Variants in RTN4RL1 observed in about 807,000 individuals in gnomAD.
RTN4RL1 encodes reticulon-4 receptor-like 1.
RTN4RL1 carries 7 observed loss-of-function variants against 25.6 expected under a neutral mutation model. The observed-to-expected ratio is 0.27, with a 90% CI of 0.16 to 0.51. The LOEUF is 0.51. Ranked by LOEUF, RTN4RL1 falls within the 20% of genes least tolerant of loss-of-function variation. RTN4RL1 has a pLI of 0.97. For missense variants in RTN4RL1, 500 were observed against 615.6 expected, an observed-to-expected ratio of 0.81 and a Z score of 1.99; for synonymous variants, 297 against 288.2, an observed-to-expected ratio of 1.03 and a Z score of -0.31.
chr17:1,979,173 T>G (rs376370140), intron 1 of RTN4RL1, among the ~76,000 whole-genome samples: 1 of 152,244 alleles, frequency 6.6e-6, no homozygotes, highest in Non-Finnish European at 1.5e-5. Context: ...TTCAGGAGGC[T>G]GAGGCAGGAG....
chr17:1,955,774 G>C (rs1915780443), intron 1 of RTN4RL1, among the ~76,000 whole-genome samples: 1 of 151,650 alleles, frequency 6.6e-6, no homozygotes, highest in East Asian at 2.0e-4. Context: ...AGTAGAGACA[G>C]GGTTTCGCCA....
At chr17:2,008,780 T>C (rs2067020887) in intron 1 of RTN4RL1, among the ~76,000 whole-genome samples, 2 of 152,048 alleles carry the variant, frequency 1.3e-5, no homozygotes, top group South Asian at 4.2e-4. Context: ...AACCTTCCTG[T>C]CAAGCCTCTC....
intron 1 of RTN4RL1, among the ~76,000 whole-genome samples, chr17:1,975,248 C>T (rs1355843992): frequency 3.9e-5 from 6 of 152,346 alleles, no homozygotes; most frequent in Admixed American, 1.3e-4. Context: ...GTCCCAAACA[C>T]CCACCCAGAA....
intron 1 of RTN4RL1, chr17:2,019,389 G>A (rs1311647299): frequency 2.6e-5 from 4 of 152,202 alleles, no homozygotes; most frequent in South Asian, 2.1e-4. Flanking sequence ...TTCTGCTCTC[G>A]ACATCCTTCA....
intron 1 of RTN4RL1, among the ~76,000 whole-genome samples, chr17:2,009,036 A>G (rs2067023566): frequency 6.6e-6 from 1 of 152,204 alleles, no homozygotes; most frequent in Non-Finnish European, 1.5e-5. Context: ...ACTACAAGGC[A>G]CAGGGGCTCT....
chr17:1,995,779 G>C (rs895651054), intron 1 of RTN4RL1: 4 of 152,264 alleles, frequency 2.6e-5, no homozygotes, highest in African/African-American at 7.2e-5. Context: ...TGCAACTGGT[G>C]AGAGATGGCC....
chr17:1,988,850 A>C (rs1192874855), intron 1 of RTN4RL1, among the ~76,000 whole-genome samples: 1 of 149,464 alleles, frequency 6.7e-6, no homozygotes, highest in Non-Finnish European at 1.5e-5. Flanking sequence ...CAGCCCAGGT[A>C]CATGTGAGGA....
At position 1,973,221 on chromosome 17, in the gene RTN4RL1, C is replaced by T. The variant is rs142224280; in HGVS notation, c.14-35413G>A. Among the ~76,000 whole-genome samples, 147 of 152,018 alleles carry T rather than the reference C, an allele frequency of 9.7e-4. 1 individual carries two copies. Among genetic ancestry groups the T allele is most frequent in the African/African-American group, 1.6e-3 (65 of 41,454 alleles). ...CTACTAAAAATACAAAAAAATTAGC[C>T]GGGCGTAGTGGCAAACGCTTATAAT... On this transcript the variant is annotated intron_variant, in intron 1 of 1. Coordinates refer to ENST00000331238, the MANE Select transcript of RTN4RL1 (RefSeq NM_178568.4).
intron 1 of RTN4RL1, among the ~76,000 whole-genome samples, chr17:1,948,591 G>A (rs555525959): frequency 9.2e-5 from 14 of 152,044 alleles, no homozygotes; most frequent in African/African-American, 2.7e-4. Flanking sequence ...GGACACAGGC[G>A]GACGGGCAGA....
At position 2,025,138 on chromosome 17, in the gene RTN4RL1, C is replaced by T. The variant is rs2067254951; in HGVS notation, c.-273G>A. On this transcript the variant is annotated 5_prime_UTR_variant, in exon 1 of 2. Coordinates refer to ENST00000331238, the MANE Select transcript of RTN4RL1 (RefSeq NM_178568.4). This position sits in a 1 kb window ranked among gnomAD's most constrained non-coding sequence, Gnocchi z 4.8. ...GGGCGAGCGGCTTGCTCCGCGGAGCCGGCGGCCTGCTTCTGCCACCCGGAG... is the reference window on the plus strand; with the variant it reads ...GGGCGAGCGGCTTGCTCCGCGGAGCTGGCGGCCTGCTTCTGCCACCCGGAG... 6.3e-6 allele frequency: 2 copies of T among 319,698 alleles called. No homozygotes were observed. Among genetic ancestry groups the T allele is most frequent in the Non-Finnish European group, 1.1e-5 (2 of 175,916 alleles). 19.8% of individuals were successfully genotyped at this position (319,698 alleles called of 1,614,324 possible).
chr17:1,956,680 G>A (rs1035273659), intron 1 of RTN4RL1, among the ~76,000 whole-genome samples: 2 of 152,016 alleles, frequency 1.3e-5, no homozygotes, highest in Non-Finnish European at 2.9e-5. Flanking sequence ...TCCTGGGAGG[G>A]CTGCAGGGGA....
chr17:1,960,182 G>T (rs946458786), intron 1 of RTN4RL1, among the ~76,000 whole-genome samples: 1 of 77,892 alleles, frequency 1.3e-5, no homozygotes, highest in Non-Finnish European at 2.7e-5. Flanking sequence ...ACATCACCCC[G>T]CCCCCACCAC....
In RTN4RL1 at chr17:1,990,012, T is replaced by C. The variant is rs113296543; in HGVS notation, c.13+34841A>G. On this transcript the variant is annotated intron_variant, in intron 1 of 1. Transcript: ENST00000331238. ...ACGATAGTTTGTACAACAATGTGAGTGTGCTTAATGCCACAGAACTGTACA... is the reference window on the plus strand; with the variant it reads ...ACGATAGTTTGTACAACAATGTGAGCGTGCTTAATGCCACAGAACTGTACA... 8.2e-3 allele frequency among the ~76,000 whole-genome samples: 1,247 copies of C among 152,208 alleles called. 23 individuals are homozygous for C. Among genetic ancestry groups the C allele is most frequent in the African/African-American group, 0.029 (1,186 of 41,538 alleles).
intron 1 of RTN4RL1, among the ~76,000 whole-genome samples, chr17:2,012,477 G>T (rs1448754311): frequency 6.6e-6 from 1 of 152,212 alleles, no homozygotes; most frequent in Non-Finnish European, 1.5e-5. Flanking sequence ...GCATTGCACA[G>T]GGAAAAGTGC....
In RTN4RL1 at chr17:1,998,847, C is replaced by T. The variant is rs2066942351; in HGVS notation, c.13+26006G>A. On this transcript the variant is annotated intron_variant, in intron 1 of 1. Transcript: ENST00000331238. The surrounding 1 kb of genome is among the most constrained non-coding windows in gnomAD (Gnocchi z 4.9). ...GGGGACGCGGGTTTGACGCACTTTCCCGGCAGCCGAAGACGACCCCGGAGC... is the reference window on the plus strand; with the variant it reads ...GGGGACGCGGGTTTGACGCACTTTCTCGGCAGCCGAAGACGACCCCGGAGC... Among the ~76,000 whole-genome samples the T allele has an allele frequency of 6.6e-6, 1 of 151,872 alleles. No individual in the cohort carries two copies.
intron 1 of RTN4RL1, among the ~76,000 whole-genome samples, chr17:1,938,038 G>A (rs1597484285): frequency 6.6e-6 from 1 of 152,152 alleles, no homozygotes; most frequent in Non-Finnish European, 1.5e-5. Flanking sequence ...TGAGTCTGGG[G>A]TGAAGGCCCC....
chr17:1,957,143 G>A (rs1290310085), intron 1 of RTN4RL1, among the ~76,000 whole-genome samples: 5 of 152,170 alleles, frequency 3.3e-5, no homozygotes, highest in Non-Finnish European at 5.9e-5. Flanking sequence ...TTGTGCTCAC[G>A]GCTTGGTTCA....
rs1370326803 is a variant in RTN4RL1, at chr17:1,994,030, C to G, written c.13+30823G>C. Among the ~76,000 whole-genome samples the G allele has an allele frequency of 6.6e-6, 1 of 152,030 alleles. No individual in the cohort carries two copies. Among genetic ancestry groups the G allele is most frequent in the African/African-American group, 2.4e-5 (1 of 41,346 alleles). On this transcript the variant is annotated intron_variant, in intron 1 of 1. Transcript: ENST00000331238. The surrounding 1 kb of genome is among the most constrained non-coding windows in gnomAD (Gnocchi z 4.3). ...CAGCAGAACTGGTAGAAAAACAAAGCCCCCCAGTCCCCACCCCCGGCTACG... is the reference window on the plus strand; with the variant it reads ...CAGCAGAACTGGTAGAAAAACAAAGGCCCCCAGTCCCCACCCCCGGCTACG...
At chr17:2,002,332 G>T (rs113234868) in intron 1 of RTN4RL1, among the ~76,000 whole-genome samples, 2 of 140,870 alleles carry the variant, frequency 1.4e-5, no homozygotes, top group Admixed American at 1.5e-4. Context: ...TTGCTCTGTC[G>T]CCCAGGCTGG....
Sources: gnomAD v4.1 joint callset for allele counts (sites outside exome capture counted in the v4.1 genomes callset) on GRCh38, gnomAD v4.1.1 for gene constraint, Gnocchi (gnomAD v3.1) non-coding constraint, MANE v1.5 for transcripts, NCBI Gene and HGNC (gene_info 2026-07-23, HGNC 2026-07-21) for gene names.